GALNT13: variants seen among roughly 807,000 people sequenced by gnomAD.
GALNT13 encodes UDP-GalNAc:polypeptide N-acetylgalactosaminyltransferase 13.
GALNT13 carries 28 observed loss-of-function variants against 64.2 expected under a neutral mutation model. The observed-to-expected ratio is 0.44, with a 90% confidence interval of 0.32 to 0.60. The LOEUF (loss-of-function observed/expected upper bound fraction) is 0.60, where lower values mean the gene tolerates loss of function less well. Ranked by LOEUF, GALNT13 falls within the 20% of genes least tolerant of loss-of-function variation. The pLI, the probability that GALNT13 is intolerant of heterozygous loss-of-function variation, is 0.05. For synonymous variants in GALNT13, 214 were observed against 224.6 expected (o/e 0.95, Z 0.42); for missense variants, 577 against 669.8 (o/e 0.86, Z 1.53).
the GALNT13 span, among the ~76,000 whole-genome samples, chr2:153,717,625 T>A: frequency 6.6e-6 from 1 of 152,226 alleles, no homozygotes; most frequent in East Asian, 1.9e-4. Flanking sequence ...ATAGTTAATT[T>A]TAAATCTTCT....
the GALNT13 span, among the ~76,000 whole-genome samples, chr2:153,558,239 A>C: frequency 6.6e-6 from 1 of 152,314 alleles, no homozygotes. Flanking sequence ...TCTTCAATTT[A>C]GAAAGAGGAC....
chr2:153,719,848 T>A, the GALNT13 span, among the ~76,000 whole-genome samples: 2 of 150,868 alleles, frequency 1.3e-5, no homozygotes, highest in Non-Finnish European at 3.0e-5. Context: ...CACAGCAGTC[T>A]GAGATCAAAC....
the GALNT13 span, among the ~76,000 whole-genome samples, chr2:153,773,867 CAA>C: frequency 1.3e-5 from 2 of 152,044 alleles, no homozygotes; most frequent in African/African-American, 2.4e-5. Flanking sequence ...TATCTTATCC[CAA>C]GACAATTATA....
At chr2:153,896,623 AT>A (rs1375137045) in intron 1 of GALNT13, among the ~76,000 whole-genome samples, 3 of 151,546 alleles carry the variant, frequency 2.0e-5, no homozygotes, top group African/African-American at 7.3e-5. Context: ...ATGTGTGCAG[AT>A]TTGTTATATA....
At chr2:153,221,905 A>G in the GALNT13 span, among the ~76,000 whole-genome samples, 1 of 152,174 alleles carries the variant, frequency 6.6e-6, no homozygotes, top group Non-Finnish European at 1.5e-5. Flanking sequence ...AGAAACCGCA[A>G]AGCCCCAAAG....
chr2:154,315,389 A>G (rs1381641815), intron 9 of GALNT13, among the ~76,000 whole-genome samples: 2 of 152,234 alleles, frequency 1.3e-5, no homozygotes, highest in Non-Finnish European at 2.9e-5. Context: ...GAAAAGTTGC[A>G]TCAGGGAGGC....
At chr2:153,627,095 G>A in the GALNT13 span, among the ~76,000 whole-genome samples, 1 of 151,990 alleles carries the variant, frequency 6.6e-6, no homozygotes, top group Admixed American at 6.6e-5. Context: ...TTGTTGTGTG[G>A]GAATGTAATA....
chr2:154,157,335 C>T (rs1411871222), intron 4 of GALNT13, among the ~76,000 whole-genome samples: 4 of 152,132 alleles, frequency 2.6e-5, no homozygotes, highest in African/African-American at 9.7e-5. Flanking sequence ...GTCCTTTCCT[C>T]TTACCTCTTA....
At chr2:153,587,043 C>G in the GALNT13 span, among the ~76,000 whole-genome samples, 1 of 151,786 alleles carries the variant, frequency 6.6e-6, no homozygotes, top group Non-Finnish European at 1.5e-5. Flanking sequence ...ACCAGCCTGG[C>G]CAATGTGGTA....
chr2:153,164,622 T>C, the GALNT13 span, among the ~76,000 whole-genome samples: 1 of 152,180 alleles, frequency 6.6e-6, no homozygotes, highest in Non-Finnish European at 1.5e-5. Flanking sequence ...TTTTAGTTTT[T>C]GTTTTCATCT....
chr2:153,947,982 G>T (rs1691893504), intron 3 of GALNT13, among the ~76,000 whole-genome samples: 1 of 152,084 alleles, frequency 6.6e-6, no homozygotes, highest in Non-Finnish European at 1.5e-5. Flanking sequence ...TCAAAGATCA[G>T]ATAGTTGTAG....
chr2:154,202,157 A>G (rs1240745732), intron 4 of GALNT13, among the ~76,000 whole-genome samples: 3 of 152,138 alleles, frequency 2.0e-5, no homozygotes, highest in Non-Finnish European at 4.4e-5. Flanking sequence ...TAGAAGAATA[A>G]TGCAGACATA....
chr2:153,943,412 G>A (rs375365906), intron 2 of GALNT13, among the ~76,000 whole-genome samples: 4 of 152,030 alleles, frequency 2.6e-5, no homozygotes, highest in African/African-American at 7.2e-5. Context: ...ATTATTGATC[G>A]TGTCTTGCAA....
chr2:153,899,404 T>G (rs1688084940), intron 1 of GALNT13, among the ~76,000 whole-genome samples: 1 of 152,214 alleles, frequency 6.6e-6, no homozygotes, highest in Non-Finnish European at 1.5e-5. Flanking sequence ...TGTATTGAAT[T>G]ATATGTGAAG....
chr2:154,072,381 T>C (rs1700777403), intron 3 of GALNT13, among the ~76,000 whole-genome samples: 2 of 152,138 alleles, frequency 1.3e-5, no homozygotes. Context: ...GAATTCTGAA[T>C]TCTTTATAAT....
the GALNT13 span, among the ~76,000 whole-genome samples, chr2:153,350,384 C>CTTTTTTTTTTTTTT: frequency 1.0e-4 from 13 of 129,970 alleles, no homozygotes; most frequent in Non-Finnish European, 1.9e-4. Flanking sequence ...TTCTTTCTTT[C>CTTTTTTTTTTTTTT]TTTTTTTTTT....
At chr2:154,191,500 G>A (rs1436992139) in intron 4 of GALNT13, among the ~76,000 whole-genome samples, 1 of 152,196 alleles carries the variant, frequency 6.6e-6, no homozygotes, top group Non-Finnish European at 1.5e-5. Context: ...GAGAAATTCA[G>A]AGGGGTAACA....
intron 11 of GALNT13, among the ~76,000 whole-genome samples, chr2:154,426,937 C>A (rs1574285735): frequency 6.6e-6 from 1 of 152,188 alleles, no homozygotes; most frequent in East Asian, 1.9e-4. Context: ...AGAACAGTTT[C>A]CATAGGGATT....
the GALNT13 span, among the ~76,000 whole-genome samples, chr2:153,405,080 T>C: frequency 6.6e-6 from 1 of 152,112 alleles, no homozygotes; most frequent in African/African-American, 2.4e-5. Context: ...ATCCAGTAGG[T>C]TACACATAAG....
Sources: gnomAD v4.1 joint callset for allele counts (sites outside exome capture counted in the v4.1 genomes callset) on GRCh38, gnomAD v4.1.1 for gene constraint, MANE v1.5 for transcripts, NCBI Gene and HGNC (gene_info 2026-07-23, HGNC 2026-07-21) for gene names.